The following DPP10 variants were observed in gnomAD, a reference collection of about 807,000 sequenced individuals.
DPP10 encodes dipeptidyl peptidase like 10.
In DPP10, 33 loss-of-function variants were observed where a neutral mutation model predicts 120.9. The ratio of observed to expected loss-of-function variants is 0.27; its 90% CI spans 0.21 to 0.37. The LOEUF (loss-of-function observed/expected upper bound fraction) is 0.37. DPP10 is among the 10% of genes least tolerant of loss of function. The probability of loss-of-function intolerance (pLI) is 1.00; values close to 1 mark genes in which losing one functional copy is unlikely to be tolerated. For synonymous variants in DPP10, 337 were observed against 326.1 expected (o/e 1.03, Z -0.36); for missense variants, 816 against 942.8 (o/e 0.87, Z 1.76).
In DPP10 at chr2:115,832,905, G is replaced by T. The variant is rs1244961651; in HGVS notation, c.1951-3252G>T. Among the ~76,000 whole-genome samples, 3 of 151,962 alleles carry T rather than the reference G, an allele frequency of 2.0e-5. No homozygotes were observed. In the South Asian group the frequency reaches 6.2e-4, roughly 31 times the overall value. ...TTATACAATTATGCAGTAATAACTT[G>T]TTGTATATAATGTAGATCAGCAGCA... is the stretch of plus-strand genomic sequence containing the variant. On this transcript the variant is annotated intron_variant, in intron 21 of 25. Transcript: ENST00000410059.
chr2:114,556,647 T>C (rs1688336868), intron 1 of DPP10, among the ~76,000 whole-genome samples: 2 of 152,002 alleles, frequency 1.3e-5, no homozygotes, highest in South Asian at 4.1e-4. Context: ...GCATTTAAGC[T>C]AGGGGGAGGA....
chr2:115,547,121 A>G (rs1044519185), intron 5 of DPP10, among the ~76,000 whole-genome samples: 1 of 152,110 alleles, frequency 6.6e-6, no homozygotes, highest in African/African-American at 2.4e-5. Context: ...ATCCATTTCC[A>G]TCCCAGTATT....
chr2:114,713,219 C>T (rs112616776), intron 1 of DPP10, among the ~76,000 whole-genome samples: 4,159 of 152,146 alleles, frequency 0.027, 206 homozygotes, highest in African/African-American at 0.095. Context: ...AACTTCTGAC[C>T]TCAGGTTATC....
At chr2:114,885,185 T>A (rs1244857941) in intron 1 of DPP10, among the ~76,000 whole-genome samples, 1 of 152,106 alleles carries the variant, frequency 6.6e-6, no homozygotes, top group Non-Finnish European at 1.5e-5. Context: ...CTATTAGGCT[T>A]CTTGGGAGCC....
intron 7 of DPP10, among the ~76,000 whole-genome samples, chr2:115,701,086 G>C (rs986284016): frequency 6.6e-6 from 1 of 151,964 alleles, no homozygotes; most frequent in Non-Finnish European, 1.5e-5. Context: ...ATATAGAAAA[G>C]CCTATCCTAG....
At chr2:114,640,110 A>G (rs1287141649) in intron 1 of DPP10, among the ~76,000 whole-genome samples, 1 of 151,974 alleles carries the variant, frequency 6.6e-6, no homozygotes, top group African/African-American at 2.4e-5. Flanking sequence ...TCACTAGAAC[A>G]TTATGACTTC....
chr2:115,786,567 A>G (rs760560813), intron 17 of DPP10, among the ~76,000 whole-genome samples: 2 of 152,200 alleles, frequency 1.3e-5, no homozygotes, highest in South Asian at 2.1e-4. Context: ...CTGTTTCCAG[A>G]CATTCAACAA....
chr2:114,918,082 G>C (rs1694935112), intron 1 of DPP10, among the ~76,000 whole-genome samples: 3 of 152,012 alleles, frequency 2.0e-5, no homozygotes, highest in Admixed American at 2.0e-4. Context: ...CAAGTCTATA[G>C]AGAACTTAAA....
rs138837941 is a variant in DPP10 at position 114,751,583 on chromosome 2, T to A, written c.60+308745T>A. On this transcript the variant is annotated intron_variant, in intron 1 of 25. Transcript: ENST00000410059. Reference sequence around the variant, plus strand: ...ATGTAGTGGAATGAGATACAATAAGTCCCTAGTGATGGTCCAGGCCCAGGC... The same window carrying A: ...ATGTAGTGGAATGAGATACAATAAGACCCTAGTGATGGTCCAGGCCCAGGC... Among the ~76,000 whole-genome samples the A allele has an allele frequency of 3.4e-3, 518 of 152,180 alleles. 1 individual carries two copies. The highest frequency in any genetic ancestry group is 0.011 in the African/African-American group (465 of 41,514).
chr2:114,967,979 T>C (rs1231090054), intron 1 of DPP10, among the ~76,000 whole-genome samples: 1 of 152,158 alleles, frequency 6.6e-6, no homozygotes, highest in Non-Finnish European at 1.5e-5. Context: ...GTGATTCTTC[T>C]GCATATCAAG....
chr2:115,347,630 C>G (rs912961436), intron 3 of DPP10, among the ~76,000 whole-genome samples: 11 of 152,060 alleles, frequency 7.2e-5, no homozygotes, highest in Non-Finnish European at 1.3e-4. Context: ...TATCCCTCCC[C>G]TAGTCCCCTA....
chr2:115,402,342 G>T (rs2068132561), intron 3 of DPP10, among the ~76,000 whole-genome samples: 1 of 151,674 alleles, frequency 6.6e-6, no homozygotes, highest in South Asian at 2.1e-4. Flanking sequence ...GGGGTCAGTT[G>T]GCAAAAAAGA....
chr2:114,914,272 G>A (rs1039490751), intron 1 of DPP10, among the ~76,000 whole-genome samples: 1 of 152,116 alleles, frequency 6.6e-6, no homozygotes, highest in Non-Finnish European at 1.5e-5. Context: ...ATTCTCCAAG[G>A]TCAATGCAAA....
intron 1 of DPP10, among the ~76,000 whole-genome samples, chr2:115,041,637 C>A (rs1365865116): frequency 6.6e-6 from 1 of 152,086 alleles, no homozygotes; most frequent in Admixed American, 6.5e-5. Context: ...TTATTCTTCC[C>A]TTTTGTATCA....
At chr2:114,451,967 A>C (rs1558770753) in intron 1 of DPP10, among the ~76,000 whole-genome samples, 1 of 152,208 alleles carries the variant, frequency 6.6e-6, no homozygotes, top group Non-Finnish European at 1.5e-5. Flanking sequence ...AGCTTCATTT[A>C]GAAAGGTACC....
intron 3 of DPP10, among the ~76,000 whole-genome samples, chr2:115,399,374 T>A (rs1418437716): frequency 2.0e-5 from 3 of 152,182 alleles, no homozygotes; most frequent in Non-Finnish European, 2.9e-5. Context: ...AAACTCTTGA[T>A]AGGCTTTTTA....
intron 1 of DPP10, among the ~76,000 whole-genome samples, chr2:115,002,740 G>T (rs533966952): frequency 2.6e-5 from 4 of 152,090 alleles, no homozygotes; most frequent in Non-Finnish European, 4.4e-5. Context: ...CATTCATGTG[G>T]CCAACAGGAA....
intron 1 of DPP10, among the ~76,000 whole-genome samples, chr2:114,857,514 A>G (rs1298540032): frequency 6.6e-6 from 1 of 152,026 alleles, no homozygotes; most frequent in Admixed American, 6.6e-5. Flanking sequence ...CTCCCAATTC[A>G]TGTTTCCCTT....
At chr2:114,977,680 T>C (rs1329972205) in intron 1 of DPP10, among the ~76,000 whole-genome samples, 1 of 152,168 alleles carries the variant, frequency 6.6e-6, no homozygotes, top group East Asian at 1.9e-4. Context: ...CATTGCTGTG[T>C]AAAATCCTCC....
Sources: gnomAD v4.1 joint callset for allele counts (sites outside exome capture counted in the v4.1 genomes callset) on GRCh38, gnomAD v4.1.1 for gene constraint, MANE v1.5 for transcripts, NCBI Gene and HGNC (gene_info 2026-07-23, HGNC 2026-07-21) for gene names.